Variants in SMAD3 observed in about 807,000 individuals in gnomAD.
SMAD3 encodes MAD homolog 3.
Under a neutral mutation model 51.8 loss-of-function variants are expected in SMAD3, and 12 were observed. The observed-to-expected ratio is 0.23, with a 90% confidence interval of 0.15 to 0.38. The LOEUF is 0.38. Ranked by LOEUF, SMAD3 falls within the 10% of genes least tolerant of loss-of-function variation. The pLI is 1.00. For synonymous variants in SMAD3, 238 were observed against 227.7 expected (o/e 1.05, Z -0.41); for missense variants, 294 against 565.6 (o/e 0.52, Z 4.87).
intron 3 of SMAD3, chr15:67,166,123 C>T: frequency 3.0e-6 from 3 of 998,710 alleles, no homozygotes; most frequent in Non-Finnish European, 3.6e-6. Flanking sequence ...GTGCTTGGGT[C>T]AGAGTGTTAA....
intron 1 of SMAD3, among the ~76,000 whole-genome samples, chr15:67,146,686 G>T (rs928828363): frequency 6.6e-6 from 1 of 152,174 alleles, no homozygotes; most frequent in Non-Finnish European, 1.5e-5. Flanking sequence ...ATGCCTGAGC[G>T]GGGAGAGAAG....
intron 1 of SMAD3, among the ~76,000 whole-genome samples, chr15:67,119,358 G>A (rs1052719448): frequency 6.6e-6 from 1 of 152,114 alleles, no homozygotes; most frequent in Non-Finnish European, 1.5e-5. Context: ...TGGGGCTGAA[G>A]CCCATTGCAG....
In SMAD3 at chr15:67,191,027, C is replaced by T; in HGVS notation, c.*491C>T. 4.1e-6 allele frequency: 1 copy of T among 241,718 alleles called. No individual in the cohort carries two copies. 15.0% of individuals were successfully genotyped at this position (241,718 alleles called of 1,614,324 possible). ...ACAGTGCCTCTTCCAGTGAACATTCCCAGCCCAGCCCCGCCCCGCCCCGCC... is the reference window on the plus strand; with the variant it reads ...ACAGTGCCTCTTCCAGTGAACATTCTCAGCCCAGCCCCGCCCCGCCCCGCC... On this transcript the variant is annotated 3_prime_UTR_variant, in exon 9 of 9. Transcript: ENST00000327367.
intron 1 of SMAD3, among the ~76,000 whole-genome samples, chr15:67,123,011 A>G (rs1342940839): frequency 6.6e-6 from 1 of 151,942 alleles, no homozygotes; most frequent in Non-Finnish European, 1.5e-5. Flanking sequence ...CATAACAAGA[A>G]CATAACAAGA....
At chr15:67,078,353 C>T (rs866121947) in intron 1 of SMAD3, among the ~76,000 whole-genome samples, 2 of 152,280 alleles carry the variant, frequency 1.3e-5, no homozygotes, top group Middle Eastern at 3.4e-3. Context: ...TCATATGGAC[C>T]GTCTCTGGTC....
chr15:67,190,353 G>T (rs955345013), intron 8 of SMAD3, 60 bp from the exon 9 acceptor site: 1 of 1,521,628 alleles, frequency 6.6e-7, no homozygotes. Flanking sequence ...TTTCTGACTT[G>T]TGTAACCCCC....
intron 7 of SMAD3, chr15:67,186,745 A>G (rs1963231273): frequency 4.4e-6 from 1 of 228,402 alleles, no homozygotes; most frequent in Non-Finnish European, 8.8e-6. Context: ...CAGTGCCCAG[A>G]GGCCAAAATT....
At chr15:67,140,185 G>A (rs945484100) in intron 1 of SMAD3, among the ~76,000 whole-genome samples, 1 of 152,080 alleles carries the variant, frequency 6.6e-6, no homozygotes, top group African/African-American at 2.4e-5. Context: ...TTAAGTGAAT[G>A]TGTTTGATCC....
chr15:67,109,901 C>G (rs1251285465), intron 1 of SMAD3, among the ~76,000 whole-genome samples: 2 of 152,198 alleles, frequency 1.3e-5, no homozygotes, highest in Non-Finnish European at 2.9e-5. Context: ...TTCCCACCCA[C>G]CCGGGTCTCC....
chr15:67,109,338 C>G (rs1489317285), intron 1 of SMAD3, among the ~76,000 whole-genome samples: 1 of 152,150 alleles, frequency 6.6e-6, no homozygotes, highest in African/African-American at 2.4e-5. Flanking sequence ...GCTGGGTGAC[C>G]TTGTGCAAGT....
chr15:67,080,126 C>A (rs925265051), intron 1 of SMAD3, among the ~76,000 whole-genome samples: 1 of 152,198 alleles, frequency 6.6e-6, no homozygotes, highest in South Asian at 2.1e-4. Flanking sequence ...TGCCTCTGGT[C>A]TTGATACCTG....
chr15:67,164,478 C>T (rs1962519955), intron 1 of SMAD3, among the ~76,000 whole-genome samples: 1 of 152,076 alleles, frequency 6.6e-6, no homozygotes, highest in African/African-American at 2.4e-5. Context: ...ATATCTGTGC[C>T]TAAAGAACTC....
At chr15:67,159,135 A>G (rs763242161) in intron 1 of SMAD3, among the ~76,000 whole-genome samples, 2 of 152,032 alleles carry the variant, frequency 1.3e-5, no homozygotes, top group Non-Finnish European at 2.9e-5. Flanking sequence ...CTCTGGTGCA[A>G]TCACAGCTCA....
intron 7 of SMAD3, chr15:67,187,026 C>T (rs1448375516): frequency 8.1e-6 from 4 of 494,020 alleles, no homozygotes; most frequent in African/African-American, 7.7e-5. Context: ...CAAGGAAAGG[C>T]CCCCCTCTCC....
chr15:67,142,852 G>A (rs913719333), intron 1 of SMAD3: 4 of 454,932 alleles, frequency 8.8e-6, no homozygotes, highest in Non-Finnish European at 1.8e-5. Context: ...CCCATGTAGA[G>A]CTGGAACACA....
intron 1 of SMAD3, among the ~76,000 whole-genome samples, chr15:67,092,190 C>T (rs1960522415): frequency 6.6e-6 from 1 of 152,136 alleles, no homozygotes; most frequent in Non-Finnish European, 1.5e-5. Context: ...CAGGGCTCAG[C>T]CCCAGGGAGG....
chr15:67,184,583 G>C, intron 6 of SMAD3, 144 bp from the exon 7 acceptor site: 1 of 975,192 alleles, frequency 1.0e-6, no homozygotes, highest in Non-Finnish European at 1.6e-6. Flanking sequence ...TTTAGGCTTG[G>C]GCTTTGGGGC....
chr15:67,180,646 T>C (rs967273899), intron 5 of SMAD3, among the ~76,000 whole-genome samples: 5 of 151,702 alleles, frequency 3.3e-5, no homozygotes, highest in African/African-American at 9.7e-5. Context: ...TGGGGCGCTG[T>C]TGGGAACCCA....
rs1395154115 is a variant in SMAD3 at position 67,166,550 on chromosome 15, G to A, written c.533-229G>A. On this transcript the variant is annotated intron_variant, in intron 3 of 8. Coordinates refer to ENST00000327367, the MANE Select transcript of SMAD3 (RefSeq NM_005902.4). ...AGGAGTACACATTTCAGACTTGGGA[G>A]TTGATCCGGTCCTGCGTGAGCAAAG... is the stretch of plus-strand genomic sequence containing the variant. 1.3e-5 allele frequency: 8 copies of A among 608,058 alleles called. No homozygotes were observed. The South Asian group carries it at 1.3e-4, about 10-fold the overall frequency. 37.7% of individuals were successfully genotyped at this position (608,058 alleles called of 1,614,324 possible).
Sources: gnomAD v4.1 joint callset for allele counts (sites outside exome capture counted in the v4.1 genomes callset) on GRCh38, gnomAD v4.1.1 for gene constraint, MANE v1.5 for transcripts, NCBI Gene and HGNC (gene_info 2026-07-23, HGNC 2026-07-21) for gene names.